Variants in CYP46A1 observed in about 807,000 individuals in gnomAD.
CYP46A1 encodes the protein cytochrome P450 family 46 subfamily A member 1, also known as cholesterol 24-hydroxylase.
In CYP46A1, 20 loss-of-function variants were observed where a neutral mutation model predicts 63.3. That is an observed-to-expected ratio of 0.32 (90% CI 0.22 to 0.46). CYP46A1 has a LOEUF of 0.46. Ranked by LOEUF, CYP46A1 falls within the 20% of genes least tolerant of loss-of-function variation. The pLI, the probability that CYP46A1 is intolerant of heterozygous loss-of-function variation, is 1.00. For missense variants in CYP46A1, 445 were observed against 670.8 expected (o/e 0.66, Z 3.72); for synonymous variants, 268 against 273.6 (o/e 0.98, Z 0.20).
At chr14:99,692,700 G>A (rs1468267444) in intron 3 of CYP46A1, among the ~76,000 whole-genome samples, 1 of 151,768 alleles carries the variant, frequency 6.6e-6, no homozygotes, top group East Asian at 1.9e-4. Flanking sequence ...TGTGGTGGTG[G>A]GCGCCTGTAA....
At chr14:99,701,723 G>T (rs575909917) in intron 5 of CYP46A1, among the ~76,000 whole-genome samples, 2 of 152,280 alleles carry the variant, frequency 1.3e-5, no homozygotes, top group Non-Finnish European at 2.9e-5. Context: ...TATATTCATA[G>T]AATTCTATAA....
rs796649159 is a variant in CYP46A1 at position 99,725,332 on chromosome 14, T to A, written c.1177-59T>A. 1.6e-5 allele frequency: 24 copies of A among 1,463,094 alleles called. 1 individual carries two copies. The African/African-American group carries it at 3.2e-4, about 19-fold the overall frequency. The allele number at this position is 1,463,094 out of a possible 1,614,324, so 90.6% of individuals were successfully genotyped here. ...AGCCCTGTTGGGTGGCCTCAGTGGC[T>A]CAAGAGGTGCCAGGGGAACAACCTG... On this transcript the variant is annotated intron_variant, in intron 12 of 14. Transcript: ENST00000261835. This position sits in a 1 kb window ranked among gnomAD's most constrained non-coding sequence, Gnocchi z 4.2.
Position 99,722,505 on chromosome 14 carries a change from G to A in CYP46A1, c.1176+439G>A, listed in dbSNP as rs978803142. Among the ~76,000 whole-genome samples the A allele has an allele frequency of 1.3e-5, 2 of 151,956 alleles. No individual in the cohort carries two copies. The highest frequency in any genetic ancestry group is 2.1e-4 in the South Asian group (1 of 4,812). On this transcript the variant is annotated intron_variant, in intron 12 of 14. Coordinates refer to ENST00000261835, the MANE Select transcript of CYP46A1 (RefSeq NM_006668.2). The surrounding 1 kb of genome is among the most constrained non-coding windows in gnomAD (Gnocchi z 4.6). ...TTTGTGTCTCTTTGTTTGCTTACTT[G>A]TTCATTTATCCATTCATCCAGGCAT...
intron 1 of CYP46A1, among the ~76,000 whole-genome samples, chr14:99,690,480 G>C (rs1444894680): frequency 1.3e-5 from 2 of 152,146 alleles, no homozygotes; most frequent in African/African-American, 4.8e-5. Context: ...GAGCTTGGTA[G>C]GAATAAAGTC....
intron 1 of CYP46A1, among the ~76,000 whole-genome samples, chr14:99,685,585 G>A (rs994378310): frequency 6.6e-6 from 1 of 151,920 alleles, no homozygotes; most frequent in Non-Finnish European, 1.5e-5. Context: ...AGTGCCTGGC[G>A]TGTTGCAGAT....
intron 5 of CYP46A1, among the ~76,000 whole-genome samples, chr14:99,704,225 C>T (rs577365118): frequency 3.3e-5 from 5 of 152,286 alleles, no homozygotes; most frequent in Admixed American, 2.0e-4. Context: ...TAAATTCATT[C>T]GCATTATTAC....
chr14:99,699,416 C>T, intron 3 of CYP46A1, 50 bp from the exon 4 acceptor site: 12 of 1,542,268 alleles, frequency 7.8e-6, no homozygotes, highest in Non-Finnish European at 1.1e-5. Flanking sequence ...GAGCATCTTG[C>T]AGCTACTCAT....
chr14:99,705,906 C>T (rs541035865), intron 5 of CYP46A1: 1 of 152,322 alleles, frequency 6.6e-6, no homozygotes, highest in East Asian at 1.9e-4. Flanking sequence ...ACCTGCATGA[C>T]AGAGCAAGAC....
chr14:99,704,707 A>G (rs1213363229), intron 5 of CYP46A1, among the ~76,000 whole-genome samples: 1 of 152,244 alleles, frequency 6.6e-6, no homozygotes, highest in Non-Finnish European at 1.5e-5. Flanking sequence ...GACAACTACA[A>G]ATCATCTTGC....
At chr14:99,694,862 G>A (rs2056574155) in intron 3 of CYP46A1, among the ~76,000 whole-genome samples, 1 of 152,034 alleles carries the variant, frequency 6.6e-6, no homozygotes, top group Non-Finnish European at 1.5e-5. Context: ...TTCTTGTTCT[G>A]ATTTTTAGGA....
At position 99,706,631 on chromosome 14, in the gene CYP46A1, T is replaced by G; in HGVS notation, c.444-16T>G. 1 of 1,613,430 alleles carries G rather than the reference T, an allele frequency of 6.2e-7. No homozygotes were observed. Among genetic ancestry groups the G allele is most frequent in the Non-Finnish European group, 8.5e-7 (1 of 1,179,814 alleles). ...GGGCTGGCCAGTGGCCGTTGATGCC[T>G]GTGCTGTTTCTCCAGCTCCTTGGTT... On this transcript the variant is annotated splice_polypyrimidine_tract_variant and intron_variant, in intron 5 of 14. Coordinates refer to ENST00000261835, the MANE Select transcript of CYP46A1 (RefSeq NM_006668.2).
intron 3 of CYP46A1, among the ~76,000 whole-genome samples, chr14:99,696,280 A>C (rs79718477): frequency 0.071 from 10,777 of 151,850 alleles, 438 homozygotes; most frequent in East Asian, 0.16. Flanking sequence ...TGATTGATTG[A>C]TTGATCGATT....
chr14:99,689,854 A>G (rs1477671563), intron 1 of CYP46A1, among the ~76,000 whole-genome samples: 1 of 152,106 alleles, frequency 6.6e-6, no homozygotes, highest in African/African-American at 2.4e-5. Flanking sequence ...CAATCCATTC[A>G]AACCCAAGTC....
chr14:99,722,173 A>G lies in CYP46A1; in HGVS notation c.1176+107A>G. On this transcript the variant is annotated intron_variant, in intron 12 of 14. Coordinates refer to ENST00000261835, the MANE Select transcript of CYP46A1 (RefSeq NM_006668.2). This position sits in a 1 kb window ranked among gnomAD's most constrained non-coding sequence, Gnocchi z 4.6. ...CTGTGGCCCTGTTCCCATCATTGCA[A>G]CGGGCCTCACTGGCTGCCCTGGTCT... 5.4e-6 allele frequency: 4 copies of G among 745,810 alleles called. No homozygotes were observed. The highest frequency in any genetic ancestry group is 5.1e-5 in the South Asian group (3 of 58,822). 46.2% of individuals were successfully genotyped at this position (745,810 alleles called of 1,614,324 possible).
chr14:99,687,705 C>A (rs184391493), intron 1 of CYP46A1, among the ~76,000 whole-genome samples: 1 of 152,306 alleles, frequency 6.6e-6, no homozygotes, highest in East Asian at 1.9e-4. Flanking sequence ...GCTTGGGTCC[C>A]CACTCAGCCA....
At chr14:99,714,965 G>A (rs1215078499) in intron 7 of CYP46A1, among the ~76,000 whole-genome samples, 2 of 152,116 alleles carry the variant, frequency 1.3e-5, no homozygotes, top group South Asian at 2.1e-4. Context: ...ATCTCATGGA[G>A]GTAAAGAGTA....
At chr14:99,699,963 T>G (rs943881) in intron 4 of CYP46A1, 52 bp from the exon 5 acceptor site, 10 of 674,990 alleles carry the variant, frequency 1.5e-5, no homozygotes, top group East Asian at 3.3e-5. Context: ...CATCAAGCAG[T>G]CGCTCCCCAC....
intron 9 of CYP46A1, among the ~76,000 whole-genome samples, chr14:99,717,427 C>G (rs2056800577): frequency 6.6e-6 from 1 of 152,106 alleles, no homozygotes; most frequent in Non-Finnish European, 1.5e-5. Context: ...GGGGCCAGGG[C>G]TGCTGTGTTC....
rs1239712235 is a variant in CYP46A1 at position 99,715,863 on chromosome 14, C to T, written c.747C>T (p.Phe249=). 13 of 1,613,992 alleles carry T rather than the reference C, an allele frequency of 8.1e-6. No homozygotes were observed. Among genetic ancestry groups the T allele is most frequent in the African/African-American group, 1.3e-5 (1 of 74,920 alleles). ...QLREVRESIR[F]LRQVGRDWVQ... The stretch of plus-strand genomic sequence containing the variant: ...GGGAGGTCCGGGAGAGCATTCGCTT[C>T]CTGCGCCAGGTGGGCAGGGACTGGG... Residue 249 remains phenylalanine, a synonymous_variant, in exon 8 of 15, where the codon TTC becomes TTT. Coordinates refer to ENST00000261835, the MANE Select transcript of CYP46A1 (RefSeq NM_006668.2).
Sources: gnomAD v4.1 joint callset for allele counts (sites outside exome capture counted in the v4.1 genomes callset) on GRCh38, gnomAD v4.1.1 for gene constraint, Gnocchi (gnomAD v3.1) non-coding constraint, MANE v1.5 for transcripts, NCBI Gene and HGNC (gene_info 2026-07-23, HGNC 2026-07-21) for gene names.